The following OXCT1 variants were observed in gnomAD, a reference collection of about 807,000 sequenced individuals.
OXCT1 encodes succinyl-CoA:3-ketoacid coenzyme A transferase 1, mitochondrial.
Under a neutral mutation model 69.6 loss-of-function variants are expected in OXCT1, and 27 were observed. That is an observed-to-expected ratio of 0.39 (90% confidence interval 0.29 to 0.54). The LOEUF (loss-of-function observed/expected upper bound fraction) is 0.54, where lower values mean the gene tolerates loss of function less well. Ranked by LOEUF, OXCT1 falls within the 20% of genes least tolerant of loss-of-function variation. OXCT1 has a pLI of 0.72. For missense variants in OXCT1, 437 were observed against 650.2 expected, an observed-to-expected ratio of 0.67 and a Z score of 3.57; for synonymous variants, 202 against 217.8, an observed-to-expected ratio of 0.93 and a Z score of 0.64.
At chr5:41,791,497 T>A (rs577766491) in intron 13 of OXCT1, among the ~76,000 whole-genome samples, 214 of 152,350 alleles carry the variant, frequency 1.4e-3, no homozygotes, top group African/African-American at 3.9e-3. Flanking sequence ...ATGGTACGCA[T>A]TGGAAAAGCT....
chr5:41,828,553 G>C lies in OXCT1; in HGVS notation c.732+11898C>G, dbSNP rs563132564. ...ATATCATATTAATGTCAGATCTATTGACAGAGGCATCATGCTTTTAAAAGA... is the reference window on the plus strand; with the variant it reads ...ATATCATATTAATGTCAGATCTATTCACAGAGGCATCATGCTTTTAAAAGA... On this transcript the variant is annotated intron_variant, in intron 7 of 16. Transcript: ENST00000196371. Among the ~76,000 whole-genome samples the C allele has an allele frequency of 1.5e-4, 23 of 152,200 alleles. No homozygotes were observed. The South Asian group carries it at 4.6e-3, about 30-fold the overall frequency.
At chr5:41,763,619 A>G (rs1744453520) in intron 13 of OXCT1, among the ~76,000 whole-genome samples, 1 of 152,050 alleles carries the variant, frequency 6.6e-6, no homozygotes, top group South Asian at 2.1e-4. Flanking sequence ...CACTAAAGCA[A>G]CCCTATGATA....
chr5:41,791,557 C>G (rs1340755078), intron 13 of OXCT1, among the ~76,000 whole-genome samples: 1 of 152,176 alleles, frequency 6.6e-6, no homozygotes. Flanking sequence ...GAGCTTCCAG[C>G]CTTACTACAT....
intron 10 of OXCT1, among the ~76,000 whole-genome samples, chr5:41,802,803 C>T (rs1430790128): frequency 6.6e-6 from 1 of 152,014 alleles, no homozygotes; most frequent in Non-Finnish European, 1.5e-5. Context: ...TACTACATTG[C>T]TTACATTTTA....
At chr5:41,805,716 G>A in intron 8 of OXCT1, 35 bp from the exon 9 acceptor site, 1 of 1,362,172 alleles carries the variant, frequency 7.3e-7, no homozygotes, top group Non-Finnish European at 1.1e-6. Context: ...ATTCGTGGTT[G>A]AGGTATGCTT....
At chr5:41,767,730 A>ATATG (rs1444403091) in intron 13 of OXCT1, among the ~76,000 whole-genome samples, 1 of 92,566 alleles carries the variant, frequency 1.1e-5, no homozygotes, top group Non-Finnish European at 2.5e-5. Context: ...GTGTATATAT[A>ATATG]TATATATATA....
intron 15 of OXCT1, among the ~76,000 whole-genome samples, chr5:41,746,734 T>TG (rs1308695188): frequency 6.6e-6 from 1 of 152,100 alleles, no homozygotes; most frequent in Non-Finnish European, 1.5e-5. Context: ...TGACTGGGTA[T>TG]TCCCAAGAAT....
rs185224422 is a variant in OXCT1, at chr5:41,850,198, C to T, written c.415-19G>A. The T allele has an allele frequency of 3.1e-6, 5 of 1,612,898 alleles. No individual in the cohort carries two copies. The highest frequency in any genetic ancestry group is 2.2e-5 in the East Asian group (1 of 44,854). On this transcript the variant is annotated intron_variant, in intron 4 of 16. Transcript: ENST00000196371. ...GTGTGCCCTGCAAGTGAGCAACCAA[C>T]ACCCCATAAGTTCACTAAGCACACT... is the stretch of plus-strand genomic sequence containing the variant.
chr5:41,790,755 C>T (rs1745877016), intron 13 of OXCT1, among the ~76,000 whole-genome samples: 2 of 152,042 alleles, frequency 1.3e-5, no homozygotes, highest in African/African-American at 2.4e-5. Flanking sequence ...CATAAGTCAA[C>T]AAATCTTTGG....
intron 5 of OXCT1, 90 bp downstream of exon 5, chr5:41,849,940 G>T: frequency 7.7e-7 from 1 of 1,297,698 alleles, no homozygotes; most frequent in South Asian, 1.2e-5. Flanking sequence ...TCACATAGAG[G>T]TGATTTTATA....
intron 16 of OXCT1, among the ~76,000 whole-genome samples, chr5:41,732,845 T>G (rs1742702726): frequency 6.6e-6 from 1 of 152,224 alleles, no homozygotes; most frequent in South Asian, 2.1e-4. Context: ...TAAGGTTAAA[T>G]AGTTTTAGTT....
intron 13 of OXCT1, among the ~76,000 whole-genome samples, chr5:41,783,425 C>A (rs765459435): frequency 1.1e-4 from 17 of 152,148 alleles, no homozygotes; most frequent in Non-Finnish European, 2.1e-4. Context: ...GTCATATCAG[C>A]AACACTATGA....
chr5:41,830,126 GAA>G (rs1579828510), intron 7 of OXCT1, among the ~76,000 whole-genome samples: 1 of 152,010 alleles, frequency 6.6e-6, no homozygotes, highest in East Asian at 1.9e-4. Flanking sequence ...TATTATAACT[GAA>G]AAAGAATAAG....
Position 41,842,790 on chromosome 5 carries a change from G to C in OXCT1, c.565-9C>G, listed in dbSNP as rs1277934280. ...CCATTGAACTCCCTCACCTGCAGAA[G>C]AGGGAGAAGGCATCATCAGGTATTT... On this transcript the variant is annotated splice_polypyrimidine_tract_variant and intron_variant, in intron 5 of 16. Transcript: ENST00000196371. The C allele has an allele frequency of 1.3e-6, 2 of 1,549,322 alleles. No individual in the cohort carries two copies.
At chr5:41,808,266 A>G (rs577547237) in intron 7 of OXCT1, among the ~76,000 whole-genome samples, 2 of 152,206 alleles carry the variant, frequency 1.3e-5, no homozygotes, top group South Asian at 2.1e-4. Context: ...ACAAACATAC[A>G]CACCTTTAAG....
intron 7 of OXCT1, among the ~76,000 whole-genome samples, chr5:41,838,329 A>G (rs1046701942): frequency 5.9e-5 from 9 of 152,196 alleles, no homozygotes; most frequent in African/African-American, 2.2e-4. Context: ...CACTTTTGAG[A>G]GCACAGTTCT....
In OXCT1 at chr5:41,862,565, T is replaced by A. The variant is rs1385927471; in HGVS notation, c.187+77A>T. On this transcript the variant is annotated intron_variant, in intron 2 of 16. Transcript: ENST00000196371. Reference sequence around the variant, plus strand: ...AAAATAATTATCATTTTTATACATCTTTGTCATTGTGATTTGCCTGCTTCA... The same window carrying A: ...AAAATAATTATCATTTTTATACATCATTGTCATTGTGATTTGCCTGCTTCA... The A allele has an allele frequency of 3.8e-6, 3 of 798,584 alleles. No homozygotes were observed. The East Asian group carries it at 7.4e-5, about 20-fold the overall frequency. 49.5% of individuals were successfully genotyped at this position (798,584 alleles called of 1,614,324 possible).
At chr5:41,759,711 G>A (rs569550963) in intron 14 of OXCT1, among the ~76,000 whole-genome samples, 2 of 152,084 alleles carry the variant, frequency 1.3e-5, no homozygotes, top group African/African-American at 4.8e-5. Context: ...ACAAAGCCAA[G>A]CAATGCTATA....
intron 3 of OXCT1, among the ~76,000 whole-genome samples, chr5:41,855,858 T>G (rs1361379424): frequency 6.6e-6 from 1 of 152,118 alleles, no homozygotes; most frequent in Non-Finnish European, 1.5e-5. Context: ...AGAAAAAATC[T>G]TACAGGAGGT....
Sources: gnomAD v4.1 joint callset for allele counts (sites outside exome capture counted in the v4.1 genomes callset) on GRCh38, gnomAD v4.1.1 for gene constraint, MANE v1.5 for transcripts, NCBI Gene and HGNC (gene_info 2026-07-23, HGNC 2026-07-21) for gene names.